SLC24A2: variants seen among roughly 807,000 people sequenced by gnomAD.
The protein encoded by SLC24A2 is sodium/potassium/calcium exchanger 2.
SLC24A2 carries 36 observed loss-of-function variants against 62.0 expected under a neutral mutation model. The observed-to-expected ratio is 0.58, with a 90% CI of 0.44 to 0.77. The LOEUF (loss-of-function observed/expected upper bound fraction) is 0.77. Among genes scored for constraint, SLC24A2 ranks in the 30% least tolerant of loss-of-function variants. The pLI is 0.00. For synonymous variants in SLC24A2, 358 were observed against 294.0 expected (o/e 1.22, Z -2.23); for missense variants, 846 against 817.9 (o/e 1.03, Z -0.42).
chr9:20,151,927 A>C, the SLC24A2 span, among the ~76,000 whole-genome samples: 1 of 151,764 alleles, frequency 6.6e-6, no homozygotes, highest in East Asian at 1.9e-4. Flanking sequence ...TGTTGCATGA[A>C]TTTCTATTAT....
chr9:20,190,782 T>C, the SLC24A2 span, among the ~76,000 whole-genome samples: 2 of 152,222 alleles, frequency 1.3e-5, no homozygotes, highest in East Asian at 1.9e-4. Flanking sequence ...TACTTAGCAA[T>C]TGTATGACTT....
At chr9:20,290,326 C>T in the SLC24A2 span, among the ~76,000 whole-genome samples, 1 of 152,230 alleles carries the variant, frequency 6.6e-6, no homozygotes, top group South Asian at 2.1e-4. Flanking sequence ...GCATACCCAT[C>T]TGCCATGTTG....
the SLC24A2 span, among the ~76,000 whole-genome samples, chr9:20,202,119 T>C: frequency 6.7e-6 from 1 of 150,352 alleles, no homozygotes; most frequent in African/African-American, 2.5e-5. Context: ...TGGGTAAGCA[T>C]GGAACACTCA....
chr9:20,020,894 A>T, the SLC24A2 span, among the ~76,000 whole-genome samples: 1 of 152,178 alleles, frequency 6.6e-6, no homozygotes, highest in African/African-American at 2.4e-5. Context: ...ATTCAACATC[A>T]TTTAAATAAG....
chr9:19,708,486 C>T (rs62565882), intron 2 of SLC24A2, among the ~76,000 whole-genome samples: 18 of 152,300 alleles, frequency 1.2e-4, no homozygotes, highest in Non-Finnish European at 1.8e-4. Flanking sequence ...GGAGCCATCA[C>T]GCTACCTGAC....
At chr9:19,706,658 G>A (rs545456450) in intron 2 of SLC24A2, among the ~76,000 whole-genome samples, 5 of 152,126 alleles carry the variant, frequency 3.3e-5, no homozygotes, top group African/African-American at 9.7e-5. Flanking sequence ...GATTACAGGC[G>A]TGAGCCACCG....
the SLC24A2 span, among the ~76,000 whole-genome samples, chr9:19,932,149 C>T: frequency 5.9e-4 from 89 of 152,102 alleles, no homozygotes; most frequent in African/African-American, 2.0e-3. Context: ...AAAATAGTAC[C>T]GAACCATAGG....
Position 19,709,160 on chromosome 9 carries a change from A to G in SLC24A2, c.930+76777T>C, listed in dbSNP as rs1051658708. On this transcript the variant is annotated intron_variant, in intron 2 of 10. Coordinates refer to ENST00000341998, the MANE Select transcript of SLC24A2 (RefSeq NM_020344.4). Reference sequence around the variant, plus strand: ...CCAAAAAACACATGAAAAAATGCTCATCATCACTGGCCATCAGAGAAATGC... The same window carrying G: ...CCAAAAAACACATGAAAAAATGCTCGTCATCACTGGCCATCAGAGAAATGC... Among the ~76,000 whole-genome samples, 4 of 152,200 alleles carry G rather than the reference A, an allele frequency of 2.6e-5. 1 individual carries two copies. The highest frequency in any genetic ancestry group is 9.6e-5 in the African/African-American group (4 of 41,452).
chr9:19,729,036 T>A (rs1004181806), intron 2 of SLC24A2, among the ~76,000 whole-genome samples: 4 of 152,256 alleles, frequency 2.6e-5, no homozygotes, highest in African/African-American at 9.6e-5. Context: ...ACCTTCCACA[T>A]AGTAAATAGT....
At chr9:19,747,765 C>T (rs936770453) in intron 2 of SLC24A2, among the ~76,000 whole-genome samples, 2 of 152,172 alleles carry the variant, frequency 1.3e-5, no homozygotes, top group African/African-American at 4.8e-5. Flanking sequence ...TGTGATGGCA[C>T]AGACATGTAC....
At chr9:19,885,790 C>T in the SLC24A2 span, among the ~76,000 whole-genome samples, 1 of 152,144 alleles carries the variant, frequency 6.6e-6, no homozygotes, top group African/African-American at 2.4e-5. Flanking sequence ...TATTATTCCC[C>T]TGTATCTACC....
chr9:19,684,564 T>C (rs756289135), intron 2 of SLC24A2, among the ~76,000 whole-genome samples: 1 of 152,126 alleles, frequency 6.6e-6, no homozygotes, highest in Non-Finnish European at 1.5e-5. Context: ...CCAGTCTATC[T>C]GACAGGCAAA....
intron 5 of SLC24A2, among the ~76,000 whole-genome samples, chr9:19,589,827 T>TATCA (rs1369034430): frequency 2.0e-5 from 3 of 152,212 alleles, no homozygotes; most frequent in African/African-American, 2.4e-5. Flanking sequence ...GATCAATGTC[T>TATCA]ATCATTACAC....
chr9:20,013,776 T>A, the SLC24A2 span, among the ~76,000 whole-genome samples: 2 of 152,154 alleles, frequency 1.3e-5, no homozygotes, highest in Admixed American at 6.5e-5. Context: ...AGGAGCAGAA[T>A]AGAAAATTTT....
the SLC24A2 span, among the ~76,000 whole-genome samples, chr9:19,942,201 G>A: frequency 6.6e-6 from 1 of 152,140 alleles, no homozygotes; most frequent in East Asian, 1.9e-4. Context: ...CAGCAGAGCT[G>A]GGGAAGAAAT....
chr9:19,835,063 C>G, the SLC24A2 span, among the ~76,000 whole-genome samples: 2 of 152,254 alleles, frequency 1.3e-5, no homozygotes, highest in South Asian at 4.1e-4. Context: ...CCTAAAAGAG[C>G]TCCTGAAGGA....
the SLC24A2 span, among the ~76,000 whole-genome samples, chr9:19,868,517 G>A: frequency 6.6e-6 from 1 of 152,154 alleles, no homozygotes; most frequent in Non-Finnish European, 1.5e-5. Context: ...ATGATGTTGT[G>A]CAAGTCTTTT....
chr9:19,887,011 A>G, the SLC24A2 span, among the ~76,000 whole-genome samples: 2 of 152,212 alleles, frequency 1.3e-5, no homozygotes, highest in South Asian at 4.2e-4. Context: ...ACGAGAACAC[A>G]TGGACACAGG....
the SLC24A2 span, among the ~76,000 whole-genome samples, chr9:19,979,747 A>C: frequency 6.6e-6 from 1 of 152,194 alleles, no homozygotes; most frequent in Non-Finnish European, 1.5e-5. Flanking sequence ...CCATTGCCTG[A>C]AATTCTTAAA....
Sources: gnomAD v4.1 joint callset for allele counts (sites outside exome capture counted in the v4.1 genomes callset) on GRCh38, gnomAD v4.1.1 for gene constraint, MANE v1.5 for transcripts, NCBI Gene and HGNC (gene_info 2026-07-23, HGNC 2026-07-21) for gene names.